Variants in ROBO2 observed in about 807,000 individuals in gnomAD.
The protein encoded by ROBO2 is roundabout homolog 2.
A neutral mutation model predicts 160.8 loss-of-function variants in ROBO2; 53 were observed. The observed-to-expected ratio is 0.33, with a 90% CI of 0.26 to 0.41. The LOEUF is 0.41. ROBO2 is among the 10% of genes least tolerant of loss of function. The pLI, the probability that ROBO2 is intolerant of heterozygous loss-of-function variation, is 1.00. For synonymous variants in ROBO2, 664 were observed against 611.7 expected (o/e 1.09, Z -1.26); for missense variants, 1,577 against 1,722.4 (o/e 0.92, Z 1.49).
chr3:77,404,952 A>T (rs1166408743), intron 2 of ROBO2, among the ~76,000 whole-genome samples: 1 of 152,102 alleles, frequency 6.6e-6, no homozygotes, highest in Non-Finnish European at 1.5e-5. Flanking sequence ...ACTCTCCCCA[A>T]CTGATGTTGT....
intron 2 of ROBO2, among the ~76,000 whole-genome samples, chr3:76,194,706 G>A (rs1306231690): frequency 2.0e-5 from 3 of 151,246 alleles, no homozygotes; most frequent in African/African-American, 2.4e-5. Flanking sequence ...TGCAACCTCC[G>A]ACTCCCTGGT....
intron 2 of ROBO2, among the ~76,000 whole-genome samples, chr3:76,992,325 CTATATATATATATATATATA>C (rs10530833): frequency 3.8e-4 from 18 of 46,890 alleles, no homozygotes; most frequent in South Asian, 7.9e-4. Context: ...CCATGTATTA[CTATATATATATATATATATA>C]TATATATATA....
At chr3:76,295,620 G>C (rs1709030742) in intron 2 of ROBO2, among the ~76,000 whole-genome samples, 1 of 152,056 alleles carries the variant, frequency 6.6e-6, no homozygotes. Context: ...TTAGAATTTT[G>C]TGTCTGTGTG....
At chr3:75,992,832 C>T (rs1313194728) in intron 2 of ROBO2, among the ~76,000 whole-genome samples, 1 of 152,218 alleles carries the variant, frequency 6.6e-6, no homozygotes, top group Non-Finnish European at 1.5e-5. Flanking sequence ...ATCAGCATGA[C>T]ATGGATGGGA....
intron 2 of ROBO2, among the ~76,000 whole-genome samples, chr3:75,944,998 A>G (rs1477443334): frequency 6.6e-6 from 1 of 152,096 alleles, no homozygotes; most frequent in African/African-American, 2.4e-5. Flanking sequence ...CACACTATTA[A>G]TATTTCTCAA....
chr3:76,316,740 CTGAAG>C (rs1442752379), intron 2 of ROBO2, among the ~76,000 whole-genome samples: 2 of 152,156 alleles, frequency 1.3e-5, no homozygotes, highest in African/African-American at 4.8e-5. Context: ...TGTTCAGAGA[CTGAAG>C]TGAAGACAGG....
intron 2 of ROBO2, among the ~76,000 whole-genome samples, chr3:76,411,063 G>C (rs954212261): frequency 7.2e-5 from 11 of 151,930 alleles, no homozygotes; most frequent in African/African-American, 2.4e-4. Context: ...GTACTTGGGG[G>C]CATGCTATTC....
At chr3:76,395,388 T>C (rs1376177225) in intron 2 of ROBO2, among the ~76,000 whole-genome samples, 4 of 148,748 alleles carry the variant, frequency 2.7e-5, no homozygotes, top group African/African-American at 7.5e-5. Context: ...AGATGCAAAA[T>C]TGACACCCTA....
At chr3:76,538,101 G>A in intron 2 of ROBO2, among the ~76,000 whole-genome samples, 1 of 151,542 alleles carries the variant, frequency 6.6e-6, no homozygotes, top group East Asian at 1.9e-4. Context: ...TATGTGTGCA[G>A]GTCACAGGGG....
At chr3:76,105,659 T>A (rs1011047775) in intron 2 of ROBO2, among the ~76,000 whole-genome samples, 1 of 152,102 alleles carries the variant, frequency 6.6e-6, no homozygotes, top group East Asian at 1.9e-4. Flanking sequence ...AATATACTTA[T>A]GAGTTCTGAA....
intron 2 of ROBO2, among the ~76,000 whole-genome samples, chr3:76,383,314 T>G (rs934812306): frequency 6.6e-6 from 1 of 152,160 alleles, no homozygotes; most frequent in African/African-American, 2.4e-5. Context: ...GAATAGAGAA[T>G]ATATTCAGTA....
At chr3:77,485,818 T>C (rs1189303357) in intron 4 of ROBO2, among the ~76,000 whole-genome samples, 1 of 152,138 alleles carries the variant, frequency 6.6e-6, no homozygotes, top group Non-Finnish European at 1.5e-5. Flanking sequence ...ATGTGCAGGA[T>C]GTGTAGGTTT....
intron 2 of ROBO2, among the ~76,000 whole-genome samples, chr3:75,956,099 T>G (rs1404897597): frequency 2.0e-5 from 3 of 151,752 alleles, no homozygotes; most frequent in African/African-American, 7.2e-5. Context: ...TGCACAAGGG[T>G]GAATTATGTC....
chr3:76,783,509 T>C (rs1247487215), intron 2 of ROBO2, among the ~76,000 whole-genome samples: 1 of 145,034 alleles, frequency 6.9e-6, no homozygotes, highest in East Asian at 2.0e-4. Context: ...TTTGGTAGTT[T>C]CTTTCTTTTT....
intron 2 of ROBO2, among the ~76,000 whole-genome samples, chr3:76,466,957 T>G (rs911950357): frequency 6.6e-6 from 1 of 152,020 alleles, no homozygotes; most frequent in Non-Finnish European, 1.5e-5. Flanking sequence ...TGCTGACATG[T>G]CATGATGACA....
At chr3:76,345,264 A>G (rs535331262) in intron 2 of ROBO2, among the ~76,000 whole-genome samples, 6 of 152,098 alleles carry the variant, frequency 3.9e-5, no homozygotes, top group Non-Finnish European at 8.8e-5. Flanking sequence ...AGTCATGGGA[A>G]AGGCCTCTGT....
chr3:76,250,532 A>G (rs1479129682), intron 2 of ROBO2, among the ~76,000 whole-genome samples: 2 of 152,054 alleles, frequency 1.3e-5, no homozygotes. Flanking sequence ...CCATATCTTT[A>G]TAATAGTCTC....
intron 2 of ROBO2, among the ~76,000 whole-genome samples, chr3:76,225,826 G>A (rs2132293): frequency 0.86 from 131,526 of 152,252 alleles, 57,241 homozygotes; most frequent in East Asian, 0.96. Flanking sequence ...GAAACTATCA[G>A]TTTTTTAAGC....
At chr3:76,072,501 A>G (rs1313982576) in intron 2 of ROBO2, among the ~76,000 whole-genome samples, 2 of 152,116 alleles carry the variant, frequency 1.3e-5, no homozygotes, top group African/African-American at 4.8e-5. Flanking sequence ...TTTTCTTTAT[A>G]TATACTCCTA....
Sources: gnomAD v4.1 joint callset for allele counts (sites outside exome capture counted in the v4.1 genomes callset) on GRCh38, gnomAD v4.1.1 for gene constraint, MANE v1.5 for transcripts, NCBI Gene and HGNC (gene_info 2026-07-23, HGNC 2026-07-21) for gene names.